The following NR5A1 variants were observed in gnomAD, a reference collection of about 807,000 sequenced individuals.
The protein encoded by NR5A1 is nuclear receptor subfamily 5 group A member 1.
NR5A1 carries 6 observed loss-of-function variants against 42.7 expected under a neutral mutation model. The ratio of observed to expected loss-of-function variants is 0.14; its 90% CI spans 0.08 to 0.28. The LOEUF (loss-of-function observed/expected upper bound fraction) is 0.28. NR5A1 is among the 10% of genes least tolerant of loss of function. The pLI, the probability that NR5A1 is intolerant of heterozygous loss-of-function variation, is 1.00. For missense variants in NR5A1, 442 were observed against 626.4 expected (o/e 0.71, Z 3.14); for synonymous variants, 274 against 277.5 (o/e 0.99, Z 0.12).
chr9:124,491,015 T>TCG, intron 6 of NR5A1, 66 bp downstream of exon 6: 1 of 634,816 alleles, frequency 1.6e-6, no homozygotes, highest in Non-Finnish European at 2.8e-6. Flanking sequence ...CTCTCCAGCC[T>TCG]CACCCACCCT....
chr9:124,490,577 C>A (rs1176335581), intron 6 of NR5A1, among the ~76,000 whole-genome samples: 8 of 152,276 alleles, frequency 5.3e-5, no homozygotes, highest in Middle Eastern at 3.4e-3. Flanking sequence ...TAGGAACCTA[C>A]GTCTTACTAA....
chr9:124,482,290 AT>A lies in NR5A1; in HGVS notation c.*467del, dbSNP rs1324725479. On this transcript the variant is annotated 3_prime_UTR_variant, in exon 7 of 7. Transcript: ENST00000373588. ...ACAGAGGCTCTCCCTCCTGGTCTCT[AT>A]GGGGGGAACACTGGAGACCCTCTCT... 4.0e-6 allele frequency: 1 copy of A among 249,840 alleles called. No homozygotes were observed. The highest frequency in any genetic ancestry group is 7.9e-6 in the Non-Finnish European group (1 of 125,804). 15.5% of individuals were successfully genotyped at this position (249,840 alleles called of 1,614,324 possible).
Position 124,503,973 on chromosome 9 carries a change from G to C in NR5A1, c.-15-563C>G, listed in dbSNP as rs1564154032. Among the ~76,000 whole-genome samples, 3 of 151,668 alleles carry C rather than the reference G, an allele frequency of 2.0e-5. No homozygotes were observed. Among genetic ancestry groups the C allele is most frequent in the Admixed American group, 6.6e-5 (1 of 15,250 alleles). ...ACAGACACTGAGACGCCCAGCTAGA[G>C]AGAACCCGGCGGGGACGAGACACAG... On this transcript the variant is annotated intron_variant, in intron 1 of 6. Coordinates refer to ENST00000373588, the MANE Select transcript of NR5A1 (RefSeq NM_004959.5). This position sits in a 1 kb window ranked among gnomAD's most constrained non-coding sequence, Gnocchi z 9.6.
chr9:124,502,979 C>T (rs1039674599), intron 3 of NR5A1, 100 bp downstream of exon 3: 3 of 1,437,316 alleles, frequency 2.1e-6, no homozygotes, highest in South Asian at 2.7e-5. Flanking sequence ...GGGGCCTTCG[C>T]GAAGGCCAAT....
rs140078109 is a variant in NR5A1, at chr9:124,501,536, G to T, written c.245-821C>A. On this transcript the variant is annotated intron_variant, in intron 3 of 6. Transcript: ENST00000373588. The surrounding 1 kb of genome is among the most constrained non-coding windows in gnomAD (Gnocchi z 4.1). ...CAGGGCCCCACCCTGGGATCTGGGC[G>T]AGGGGAAAGAGCAGGAGAGAGGGGG... Among the ~76,000 whole-genome samples the T allele has an allele frequency of 1.3e-5, 2 of 152,242 alleles. No homozygotes were observed. Among genetic ancestry groups the T allele is most frequent in the African/African-American group, 4.8e-5 (2 of 41,458 alleles).
intron 5 of NR5A1, among the ~76,000 whole-genome samples, chr9:124,492,465 G>T (rs1001186530): frequency 5.9e-5 from 9 of 151,954 alleles, no homozygotes; most frequent in African/African-American, 2.2e-4. Flanking sequence ...CTCTAAGGGG[G>T]CCCAAATTCC....
Position 124,482,715 on chromosome 9 carries a change from CCCCAGTCCCG to C in NR5A1, c.*33_*42del. 1.4e-6 allele frequency: 1 copy of C among 717,730 alleles called. No homozygotes were observed. The highest frequency in any genetic ancestry group is 1.8e-5 in the African/African-American group (1 of 55,532). The allele number at this position is 717,730 out of a possible 1,614,324, so 44.5% of individuals were successfully genotyped here. ...GGCTGCGGCCCCGCCCAGGCCCCGC[CCCCAGTCCCG>C]CCCCCAGTCCCGGCCCCGCCCCCGG... On this transcript the variant is annotated 3_prime_UTR_variant, in exon 7 of 7. Coordinates refer to ENST00000373588, the MANE Select transcript of NR5A1 (RefSeq NM_004959.5).
chr9:124,490,468 G>A (rs952307988), intron 6 of NR5A1, among the ~76,000 whole-genome samples: 8 of 152,102 alleles, frequency 5.3e-5, no homozygotes, highest in Non-Finnish European at 2.9e-5. Context: ...GTGGGTGGCC[G>A]GGCTGGGCTG....
chr9:124,492,164 C>A (rs1164487870), intron 5 of NR5A1, among the ~76,000 whole-genome samples: 2 of 152,088 alleles, frequency 1.3e-5, no homozygotes, highest in African/African-American at 2.4e-5. Flanking sequence ...GACCCCACGG[C>A]CCTTCCTGTG....
At chr9:124,505,275 G>A (rs1448023707) in intron 1 of NR5A1, among the ~76,000 whole-genome samples, 1 of 152,236 alleles carries the variant, frequency 6.6e-6, no homozygotes, top group Non-Finnish European at 1.5e-5. Flanking sequence ...GCTCCTGTCT[G>A]TGAACCCAGC....
rs1021437810 is a variant in NR5A1, at chr9:124,501,747, C to T, written c.245-1032G>A. ...CTCTGGGGACAGGACAGGATGTCCC[C>T]TCTCCCATCCAGGAGTCCTTTCTCC... On this transcript the variant is annotated intron_variant, in intron 3 of 6. Coordinates refer to ENST00000373588, the MANE Select transcript of NR5A1 (RefSeq NM_004959.5). This position sits in a 1 kb window ranked among gnomAD's most constrained non-coding sequence, Gnocchi z 4.1. 2.0e-5 allele frequency among the ~76,000 whole-genome samples: 3 copies of T among 152,234 alleles called. No individual in the cohort carries two copies. The highest frequency in any genetic ancestry group is 7.2e-5 in the African/African-American group (3 of 41,458).
chr9:124,504,822 G>A (rs1832526959), intron 1 of NR5A1, among the ~76,000 whole-genome samples: 1 of 146,486 alleles, frequency 6.8e-6, no homozygotes, highest in Admixed American at 6.8e-5. Context: ...GCCGGGGACG[G>A]GGAGGCGGGG....
rs387906690 is a variant in NR5A1, at chr9:124,500,568, G to A, written c.392C>T (p.Pro131Leu). ...CACGTAGTCCGGTGCGGGAGGGGGC[G>A]GCGGGGGCACCCCCATCGGGGGCCC... ...ETGPPMGVPP[P>L]PPPAPDYVLP... Residue 131 changes from proline to leucine, a missense_variant, in exon 4 of 7, where the codon CCG becomes CTG. By Grantham distance (98) the Pro-to-Leu change is moderately conservative. This residue lies in a region of NR5A1 where 208 missense variants were observed against 203.8 expected (regional missense o/e 1.02). Transcript: ENST00000373588. The surrounding 1 kb of genome is among the most constrained non-coding windows in gnomAD (Gnocchi z 6.9). 2.4e-5 allele frequency: 39 copies of A among 1,611,682 alleles called. No individual in the cohort carries two copies. The highest frequency in any genetic ancestry group is 2.2e-4 in the South Asian group (20 of 91,070).
Position 124,496,184 on chromosome 9 carries a change from GCACACACACACACA to G in NR5A1, c.871-3049_871-3036del, listed in dbSNP as rs59598562. Reference sequence around the variant, plus strand: ...ACACTCCCCACACAGATGAGAATGCGCACACACACACACACACACACACAACCTCTTTTTATTTA... The same window carrying G: ...ACACTCCCCACACAGATGAGAATGCGCACACACACAACCTCTTTTTATTTA... On this transcript the variant is annotated intron_variant, in intron 4 of 6. Transcript: ENST00000373588. This position sits in a 1 kb window ranked among gnomAD's most constrained non-coding sequence, Gnocchi z 5.0. Among the ~76,000 whole-genome samples, 296 of 148,150 alleles carry G rather than the reference GCACACACACACACA, an allele frequency of 2.0e-3. 1 individual carries two copies. The highest frequency in any genetic ancestry group is 7.0e-3 in the African/African-American group (282 of 40,528).
At chr9:124,502,369 G>A (rs1046226040) in intron 3 of NR5A1, among the ~76,000 whole-genome samples, 3 of 150,898 alleles carry the variant, frequency 2.0e-5, no homozygotes, top group Non-Finnish European at 4.4e-5. Context: ...TTTCCCTCTC[G>A]CCCAGGCTGG....
Position 124,503,750 on chromosome 9 carries a change from A to G in NR5A1, c.-15-340T>C, listed in dbSNP as rs1356888409. On this transcript the variant is annotated intron_variant, in intron 1 of 6. Transcript: ENST00000373588. This position sits in a 1 kb window ranked among gnomAD's most constrained non-coding sequence, Gnocchi z 9.6. ...AAAACCCCGATTCTGAGAAAAAGAGATGGGCTCAGCCGCGGGGAAGACGCC... is the reference window on the plus strand; with the variant it reads ...AAAACCCCGATTCTGAGAAAAAGAGGTGGGCTCAGCCGCGGGGAAGACGCC... Among the ~76,000 whole-genome samples, 1 of 152,192 alleles carries G rather than the reference A, an allele frequency of 6.6e-6. No individual in the cohort carries two copies. The highest frequency in any genetic ancestry group is 1.5e-5 in the Non-Finnish European group (1 of 68,032).
In NR5A1 at chr9:124,503,212, G is replaced by T; in HGVS notation, c.111C>A (p.Phe37Leu). 6.2e-7 allele frequency: 1 copy of T among 1,604,712 alleles called. No individual in the cohort carries two copies. ...GCTTGTTGTTCTGCACCGTGCGCTTGAAGAAGCCCTGCGGGAGCTGAGAGT... is the reference window on the plus strand; with the variant it reads ...GCTTGTTGTTCTGCACCGTGCGCTTTAAGAAGCCCTGCGGGAGCTGAGAGT... ...LLTCESCKGF[F>L]KRTVQNNKHY... Residue 37 changes from phenylalanine (F) to leucine (L), a missense_variant, in exon 3 of 7, where the codon TTC becomes TTA. Around this residue, in one of 3 missense-constraint regions of NR5A1, gnomAD observed 71 missense variants for 156.8 expected, o/e 0.45. Coordinates refer to ENST00000373588, the MANE Select transcript of NR5A1 (RefSeq NM_004959.5). This position sits in a 1 kb window ranked among gnomAD's most constrained non-coding sequence, Gnocchi z 9.6.
rs1004343453 is a variant in NR5A1 at position 124,498,456 on chromosome 9, C to T, written c.870+1634G>A. Among the ~76,000 whole-genome samples the T allele has an allele frequency of 1.3e-5, 2 of 152,172 alleles. No homozygotes were observed. Among genetic ancestry groups the T allele is most frequent in the African/African-American group, 4.8e-5 (2 of 41,440 alleles). ...AGCAAAGCTGGGACAAAAGCCCTTC[C>T]CATCCTGCGTGAAAATCCCCGGGAG... On this transcript the variant is annotated intron_variant, in intron 4 of 6. Transcript: ENST00000373588. This position sits in a 1 kb window ranked among gnomAD's most constrained non-coding sequence, Gnocchi z 4.6.
chr9:124,504,053 G>T lies in NR5A1; in HGVS notation c.-15-643C>A, dbSNP rs1167525829. Among the ~76,000 whole-genome samples, 2 of 102,804 alleles carry T rather than the reference G, an allele frequency of 1.9e-5. 1 individual carries two copies. The highest frequency in any genetic ancestry group is 2.7e-4 in the African/African-American group (2 of 7,544). The allele number at this position is 102,804 out of a possible 152,430, so 67.4% of individuals were successfully genotyped here. On this transcript the variant is annotated intron_variant, in intron 1 of 6. Coordinates refer to ENST00000373588, the MANE Select transcript of NR5A1 (RefSeq NM_004959.5). ...GAGAGAGAGAGAGAGAGAGAGAGACGAGAGAGAGAGAGAGAGAGAGAAACG... is the reference window on the plus strand; with the variant it reads ...GAGAGAGAGAGAGAGAGAGAGAGACTAGAGAGAGAGAGAGAGAGAGAAACG...
Sources: allele counts gnomAD v4.1 joint callset (sites outside exome capture counted in the v4.1 genomes callset), GRCh38; gene constraint gnomAD v4.1.1; regional missense constraint gnomAD v4.1.1; non-coding constraint Gnocchi (gnomAD v3.1); transcripts MANE v1.5; gene names NCBI Gene and HGNC (gene_info 2026-07-23, HGNC 2026-07-21).